Variants in SLC12A5 observed in about 807,000 individuals in gnomAD.
SLC12A5 encodes solute carrier family 12 member 5.
In SLC12A5, 18 loss-of-function variants were observed where a neutral mutation model predicts 124.0. The observed-to-expected ratio is 0.15, with a 90% CI of 0.10 to 0.22. The LOEUF is 0.22. SLC12A5 is among the 10% of genes least tolerant of loss of function. The pLI, the probability that SLC12A5 is intolerant of heterozygous loss-of-function variation, is 1.00. For synonymous variants in SLC12A5, 589 were observed against 568.0 expected, an observed-to-expected ratio of 1.04 and a Z score of -0.53; for missense variants, 867 against 1,478.7, an observed-to-expected ratio of 0.59 and a Z score of 6.78.
At chr20:46,047,602 G>A in intron 15 of SLC12A5, 29 bp downstream of exon 15, 1 of 1,605,948 alleles carries the variant, frequency 6.2e-7, no homozygotes, top group Non-Finnish European at 8.5e-7. Flanking sequence ...GGTTGGGGTG[G>A]CTGGGGAAGG....
At chr20:46,040,742 C>A (rs965410402) in intron 7 of SLC12A5, 128 bp downstream of exon 7, 2 of 1,402,802 alleles carry the variant, frequency 1.4e-6, no homozygotes, top group Non-Finnish European at 1.9e-6. Flanking sequence ...GAGTAGCTTC[C>A]CTTGGGAGGG....
At chr20:46,043,517 C>A in intron 9 of SLC12A5, 116 bp from the exon 10 acceptor site, 1 of 1,226,392 alleles carries the variant, frequency 8.2e-7, no homozygotes. Flanking sequence ...TCACACAAGC[C>A]AGTATGTTAG....
Position 46,056,341 on chromosome 20 carries a change from G to T in SLC12A5, c.2911-24G>T, listed in dbSNP as rs1465249558. Reference sequence around the variant, plus strand: ...CCCTTGGCCTCCAAAGGACTCAACTGCCATCGCTTCATTCATCCCTCAGGT... The same window carrying T: ...CCCTTGGCCTCCAAAGGACTCAACTTCCATCGCTTCATTCATCCCTCAGGT... On this transcript the variant is annotated intron_variant, in intron 22 of 25. Transcript: ENST00000243964. This position sits in a 1 kb window ranked among gnomAD's most constrained non-coding sequence, Gnocchi z 4.3. 2.5e-6 allele frequency: 4 copies of T among 1,608,746 alleles called. No individual in the cohort carries two copies. The highest frequency in any genetic ancestry group is 1.7e-4 in the Middle Eastern group (1 of 6,034).
rs150366096 is a variant in SLC12A5 at position 46,033,225 on chromosome 20, C to T, written c.53-1723C>T. Among the ~76,000 whole-genome samples the T allele has an allele frequency of 1.7e-4, 26 of 152,134 alleles. No individual in the cohort carries two copies. The East Asian group carries it at 4.1e-3, about 24-fold the overall frequency. Reference sequence around the variant, plus strand: ...GAGAGGAGGATGGGGAAGACGCAGACGGATGGAGATGGGGAGAAAGGGATG... The same window carrying T: ...GAGAGGAGGATGGGGAAGACGCAGATGGATGGAGATGGGGAGAAAGGGATG... On this transcript the variant is annotated intron_variant, in intron 1 of 25. Transcript: ENST00000243964.
upstream of SLC12A5, chr20:46,029,058 T>C: frequency 8.5e-7 from 1 of 1,175,182 alleles, no homozygotes; most frequent in African/African-American, 1.6e-5. Flanking sequence ...CCCCTCATCT[T>C]CTCTTCTCTC....
At position 46,053,099 on chromosome 20, in the gene SLC12A5, G is replaced by A; in HGVS notation, c.2520G>A (p.Leu840=). Residue 840 remains leucine (L), a synonymous_variant, in exon 19 of 26, where the codon CTG becomes CTA. Coordinates refer to ENST00000243964, the MANE Select transcript of SLC12A5 (RefSeq NM_020708.5). This position sits in a 1 kb window ranked among gnomAD's most constrained non-coding sequence, Gnocchi z 4.7. The part of the protein sequence containing the change: ...WIVHDGGMLM[L]LPFLLRHHKV... ...TGCACGATGGAGGCATGCTCATGCT[G>A]CTGCCCTTCCTGCTGCGGCACCACA... 2 of 1,611,342 alleles carry A rather than the reference G, an allele frequency of 1.2e-6. No homozygotes were observed. Among genetic ancestry groups the A allele is most frequent in the Admixed American group, 3.3e-5 (2 of 59,972 alleles).
At position 46,057,352 on chromosome 20, in the gene SLC12A5, A is replaced by C. The variant is rs1421660612; in HGVS notation, c.3259+49A>C. 1 of 1,612,374 alleles carries C rather than the reference A, an allele frequency of 6.2e-7. No homozygotes were observed. On this transcript the variant is annotated intron_variant, in intron 25 of 25. Coordinates refer to ENST00000243964, the MANE Select transcript of SLC12A5 (RefSeq NM_020708.5). The surrounding 1 kb of genome is among the most constrained non-coding windows in gnomAD (Gnocchi z 7.1). ...GAAAGAGGGAGGTGGACGTCAGGGAATCTGGGTCCTGTCCCTGGGATGGAA... is the reference window on the plus strand; with the variant it reads ...GAAAGAGGGAGGTGGACGTCAGGGACTCTGGGTCCTGTCCCTGGGATGGAA...
At position 46,059,376 on chromosome 20, in the gene SLC12A5, G is replaced by A; in HGVS notation, c.*1771G>A. The A allele has an allele frequency of 7.7e-6, 3 of 392,152 alleles. No individual in the cohort carries two copies. The highest frequency in any genetic ancestry group is 6.4e-4 in the Middle Eastern group (1 of 1,560). 24.3% of individuals were successfully genotyped at this position (392,152 alleles called of 1,614,324 possible). ...GCCAGTTACACCAAGTCCCCTCTGA[G>A]ATTCGATCAGGGGACTGGATAGATT... On this transcript the variant is annotated 3_prime_UTR_variant, in exon 26 of 26. Transcript: ENST00000243964.
At chr20:46,043,415 A>G in intron 9 of SLC12A5, 92 bp downstream of exon 9, 1 of 1,483,716 alleles carries the variant, frequency 6.7e-7, no homozygotes, top group Non-Finnish European at 9.2e-7. Flanking sequence ...TAGTCCAAAA[A>G]CCCCATCATG....
intron 14 of SLC12A5, 56 bp downstream of exon 14, chr20:46,046,492 C>A: frequency 1.3e-6 from 2 of 1,482,728 alleles, no homozygotes; most frequent in Non-Finnish European, 1.9e-6. Flanking sequence ...CCACGCCAAT[C>A]CTCATCTTAC....
chr20:46,041,186 C>A (rs888172924), intron 7 of SLC12A5, 143 bp from the exon 8 acceptor site: 5 of 672,876 alleles, frequency 7.4e-6, no homozygotes, highest in Non-Finnish European at 1.2e-5. Flanking sequence ...AAGCCAATGG[C>A]CAGGCTTCAT....
At chr20:46,040,245 C>G in intron 6 of SLC12A5, 128 bp from the exon 7 acceptor site, 2 of 1,354,400 alleles carry the variant, frequency 1.5e-6, no homozygotes, top group Non-Finnish European at 2.0e-6. Flanking sequence ...TCTCCTATTA[C>G]TGGATGTCTT....
At chr20:46,035,310 T>A in intron 2 of SLC12A5, 94 bp from the exon 3 acceptor site, 1 of 1,477,180 alleles carries the variant, frequency 6.8e-7, no homozygotes, top group Non-Finnish European at 9.2e-7. Context: ...AATAGTTTCG[T>A]GCTCCTTGTC....
At chr20:46,040,694 C>G (rs758505213) in intron 7 of SLC12A5, 80 bp downstream of exon 7, 36 of 1,563,040 alleles carry the variant, frequency 2.3e-5, no homozygotes, top group Non-Finnish European at 3.0e-5. Context: ...CAAACTCCCC[C>G]TCCCTGCCCC....
At chr20:46,044,911 C>T in intron 11 of SLC12A5, 55 bp from the exon 12 acceptor site, 1 of 1,608,858 alleles carries the variant, frequency 6.2e-7, no homozygotes, top group Non-Finnish European at 8.5e-7. Flanking sequence ...GGAGACCTGC[C>T]CTGGAAATCC....
At chr20:46,026,145 A>C (rs989710538), upstream of SLC12A5, among the ~76,000 whole-genome samples, 7 of 152,176 alleles carry the variant, frequency 4.6e-5, no homozygotes, top group Non-Finnish European at 5.9e-5. Flanking sequence ...ATAAGTGGAG[A>C]GTGGAAAATA....
rs1470364841 is a variant in SLC12A5 at position 46,035,059 on chromosome 20, G to A, written c.147+17G>A. 1.1e-5 allele frequency: 17 copies of A among 1,611,502 alleles called. No homozygotes were observed. Among genetic ancestry groups the A allele is most frequent in the Non-Finnish European group, 1.4e-5 (17 of 1,177,790 alleles). ...TTGTTTGAGGTGGGCTGCTAGGGCT[G>A]TTGGGCCCCCACCTACAATTCATTA... On this transcript the variant is annotated intron_variant, in intron 2 of 25. Coordinates refer to ENST00000243964, the MANE Select transcript of SLC12A5 (RefSeq NM_020708.5).
Position 46,057,645 on chromosome 20 carries a change from C to T in SLC12A5, c.*40C>T, listed in dbSNP as rs2084709161. ...CACCCGGGCCCGAGCGCGCCCGGCCCGCGGCTCCGGAGCCCTCGCCGCGCC... is the reference window on the plus strand; with the variant it reads ...CACCCGGGCCCGAGCGCGCCCGGCCTGCGGCTCCGGAGCCCTCGCCGCGCC... On this transcript the variant is annotated 3_prime_UTR_variant, in exon 26 of 26. Coordinates refer to ENST00000243964, the MANE Select transcript of SLC12A5 (RefSeq NM_020708.5). This position sits in a 1 kb window ranked among gnomAD's most constrained non-coding sequence, Gnocchi z 7.1. The T allele has an allele frequency of 6.5e-7, 1 of 1,536,724 alleles. No homozygotes were observed. Among genetic ancestry groups the T allele is most frequent in the Non-Finnish European group, 8.9e-7 (1 of 1,122,112 alleles).
chr20:46,029,523 C>T, intron 1 of SLC12A5, 127 bp downstream of exon 1: 3 of 1,017,334 alleles, frequency 2.9e-6, no homozygotes, highest in South Asian at 3.4e-5. Flanking sequence ...CGGTGGGCGC[C>T]AGTTGCAGCC....
Sources: gnomAD v4.1 joint callset for allele counts (sites outside exome capture counted in the v4.1 genomes callset) on GRCh38, gnomAD v4.1.1 for gene constraint, Gnocchi (gnomAD v3.1) non-coding constraint, MANE v1.5 for transcripts, NCBI Gene and HGNC (gene_info 2026-07-23, HGNC 2026-07-21) for gene names.